Variants in CCDC171 observed in about 807,000 individuals in gnomAD.
CCDC171 encodes coiled-coil domain-containing protein 171.
Under a neutral mutation model 168.2 loss-of-function variants are expected in CCDC171, and 177 were observed. The ratio of observed to expected loss-of-function variants is 1.05; its 90% confidence interval spans 0.93 to 1.19. The LOEUF (loss-of-function observed/expected upper bound fraction) is 1.19, where lower values mean the gene tolerates loss of function less well. CCDC171 is among the 50% of genes most tolerant of loss of function. The pLI is 0.00. For synonymous variants in CCDC171, 687 were observed against 540.8 expected, an observed-to-expected ratio of 1.27 and a Z score of -3.75; for missense variants, 1,991 against 1,539.0, an observed-to-expected ratio of 1.29 and a Z score of -4.91.
intron 12 of CCDC171, 43 bp from the exon 13 acceptor site, chr9:15,723,638 T>A: frequency 1.4e-6 from 2 of 1,456,900 alleles, no homozygotes; most frequent in Non-Finnish European, 1.9e-6. Context: ...AAAAAGTTAC[T>A]TATATTTTCT....
intron 6 of CCDC171, among the ~76,000 whole-genome samples, chr9:15,606,706 A>G (rs2043254951): frequency 6.6e-6 from 1 of 152,220 alleles, no homozygotes; most frequent in Non-Finnish European, 1.5e-5. Flanking sequence ...AAAGAATTAT[A>G]CTTTTTGGGC....
intron 23 of CCDC171, among the ~76,000 whole-genome samples, chr9:15,865,853 T>A (rs36144889): frequency 1.4e-3 from 18 of 12,684 alleles, no homozygotes; most frequent in African/African-American, 1.9e-3. Context: ...TGCGTGCGTG[T>A]GTGTGTGTGT....
chr9:15,828,059 A>G (rs527384369), intron 21 of CCDC171, among the ~76,000 whole-genome samples: 120 of 152,328 alleles, frequency 7.9e-4, no homozygotes, highest in African/African-American at 2.8e-3. Flanking sequence ...AGATGAATTA[A>G]TATTTTACAC....
intron 7 of CCDC171, among the ~76,000 whole-genome samples, chr9:15,637,827 C>T (rs1587645018): frequency 6.6e-6 from 1 of 152,024 alleles, no homozygotes; most frequent in Non-Finnish European, 1.5e-5. Flanking sequence ...GCATAGTATT[C>T]CATGGTGTAT....
At chr9:15,659,619 G>C (rs2048173430) in intron 8 of CCDC171, among the ~76,000 whole-genome samples, 1 of 152,116 alleles carries the variant, frequency 6.6e-6, no homozygotes, top group South Asian at 2.1e-4. Context: ...GTAATAGACT[G>C]TATGAAAATA....
chr9:15,699,487 C>T (rs978940095), intron 11 of CCDC171, among the ~76,000 whole-genome samples: 2 of 152,112 alleles, frequency 1.3e-5, no homozygotes, highest in Non-Finnish European at 2.9e-5. Context: ...CCACCCACGT[C>T]CTGCTGATTG....
intron 25 of CCDC171, among the ~76,000 whole-genome samples, chr9:15,923,117 A>G (rs1398111085): frequency 6.6e-6 from 1 of 151,266 alleles, no homozygotes; most frequent in African/African-American, 2.4e-5. Flanking sequence ...TTAAGATCAT[A>G]TCCCAAAAAA....
At chr9:15,558,961 T>G (rs1375648612) in intron 1 of CCDC171, among the ~76,000 whole-genome samples, 3 of 152,190 alleles carry the variant, frequency 2.0e-5, no homozygotes, top group Non-Finnish European at 4.4e-5. Context: ...TCAAAGAACA[T>G]CTTTATTTCT....
chr9:15,566,746 GACTA>G (rs2039766035), intron 2 of CCDC171, among the ~76,000 whole-genome samples: 1 of 152,084 alleles, frequency 6.6e-6, no homozygotes, highest in Non-Finnish European at 1.5e-5. Flanking sequence ...AGAAATCTCT[GACTA>G]ACCTAAGGTC....
At chr9:15,948,408 T>C (rs1210325847) in intron 25 of CCDC171, among the ~76,000 whole-genome samples, 1 of 138,008 alleles carries the variant, frequency 7.2e-6, no homozygotes, top group African/African-American at 2.6e-5. Context: ...CACACTGACT[T>C]CCACAATGGT....
chr9:15,732,900 A>G (rs778439202), intron 16 of CCDC171, among the ~76,000 whole-genome samples: 19 of 152,128 alleles, frequency 1.2e-4, no homozygotes, highest in Non-Finnish European at 2.4e-4. Flanking sequence ...TTTCCAAGTG[A>G]CTATATCATT....
intron 1 of CCDC171, among the ~76,000 whole-genome samples, chr9:16,054,880 C>T (rs1351310399): frequency 6.6e-6 from 1 of 152,190 alleles, no homozygotes; most frequent in Admixed American, 6.5e-5. Flanking sequence ...GACACCCCCT[C>T]CCCACACACA....
At chr9:15,644,027 G>A (rs998343306) in intron 7 of CCDC171, among the ~76,000 whole-genome samples, 6 of 152,084 alleles carry the variant, frequency 3.9e-5, no homozygotes, top group Admixed American at 2.6e-4. Context: ...AAAAAATGGT[G>A]CTATAAACTT....
At chr9:15,563,255 C>T (rs1191875679) in intron 1 of CCDC171, among the ~76,000 whole-genome samples, 1 of 151,756 alleles carries the variant, frequency 6.6e-6, no homozygotes, top group South Asian at 2.1e-4. Context: ...TCTTCCACCT[C>T]AGCCTCCTGA....
chr9:15,991,836 G>T (rs973514894), intron 3 of CCDC171, among the ~76,000 whole-genome samples: 7 of 152,104 alleles, frequency 4.6e-5, no homozygotes, highest in African/African-American at 1.7e-4. Flanking sequence ...TAGAAGAAAT[G>T]GATAAATTCC....
intron 11 of CCDC171, among the ~76,000 whole-genome samples, chr9:15,719,873 C>A (rs2053359449): frequency 6.6e-6 from 1 of 151,150 alleles, no homozygotes. Flanking sequence ...TTATACATTA[C>A]TTTTTTTTTC....
intron 24 of CCDC171, among the ~76,000 whole-genome samples, chr9:15,914,304 C>G (rs1824160910): frequency 6.6e-6 from 1 of 152,186 alleles, no homozygotes; most frequent in South Asian, 2.1e-4. Flanking sequence ...TCTATAAGCC[C>G]CTCACTGGGG....
intron 4 of CCDC171, among the ~76,000 whole-genome samples, chr9:15,581,455 A>G (rs2041109958): frequency 6.6e-6 from 1 of 152,226 alleles, no homozygotes; most frequent in African/African-American, 2.4e-5. Flanking sequence ...GGAACCAAAA[A>G]AGAGCCCATA....
At chr9:15,966,745 A>G (rs1830830403) in intron 25 of CCDC171, among the ~76,000 whole-genome samples, 1 of 152,172 alleles carries the variant, frequency 6.6e-6, no homozygotes, top group African/African-American at 2.4e-5. Flanking sequence ...TAAGATAGTC[A>G]AACTAGTCTG....
Sources: gnomAD v4.1 joint callset for allele counts (sites outside exome capture counted in the v4.1 genomes callset) on GRCh38, gnomAD v4.1.1 for gene constraint, MANE v1.5 for transcripts, NCBI Gene and HGNC (gene_info 2026-07-23, HGNC 2026-07-21) for gene names.